Variants in NPIPB2 observed in about 807,000 individuals in gnomAD.
NPIPB2 encodes the protein nuclear pore complex interacting protein family member B2, also known as nuclear pore complex-interacting protein family member B2.
In NPIPB2, 27 loss-of-function variants were observed where a neutral mutation model predicts 30.8. The observed-to-expected ratio is 0.88, with a 90% CI of 0.65 to 1.21. The LOEUF (loss-of-function observed/expected upper bound fraction) is 1.21, where lower values mean the gene tolerates loss of function less well. Ranked by LOEUF, NPIPB2 falls within the 50% of genes most tolerant of loss-of-function variation. The pLI, the probability that NPIPB2 is intolerant of heterozygous loss-of-function variation, is 0.00. For missense variants in NPIPB2, 440 were observed against 446.2 expected (o/e 0.99, Z 0.13); for synonymous variants, 147 against 162.0 (o/e 0.91, Z 0.70).
At chr16:11,957,049 T>C (rs1288587430) in intron 1 of NPIPB2, among the ~76,000 whole-genome samples, 2 of 152,134 alleles carry the variant, frequency 1.3e-5, no homozygotes, top group Non-Finnish European at 2.9e-5. Context: ...TGGAGTGCAT[T>C]GGTGCGATCT....
chr16:11,944,170 ATT>A (rs767446739), upstream of NPIPB2, among the ~76,000 whole-genome samples: 17 of 137,698 alleles, frequency 1.2e-4, no homozygotes, highest in Non-Finnish European at 1.3e-4. Context: ...GATAAACTGG[ATT>A]TTTTTTTTTT....
At chr16:11,955,952 T>C (rs1343624204) in intron 1 of NPIPB2, among the ~76,000 whole-genome samples, 1 of 151,842 alleles carries the variant, frequency 6.6e-6, no homozygotes, top group Non-Finnish European at 1.5e-5. Context: ...GCCCCAGGCC[T>C]CCTCTGGTCC....
At chr16:11,951,272 C>T (rs1194892569) in intron 1 of NPIPB2, among the ~76,000 whole-genome samples, 13 of 149,680 alleles carry the variant, frequency 8.7e-5, no homozygotes, top group Non-Finnish European at 1.5e-4. Context: ...CTGGCTAACA[C>T]GGTGAAACCC....
intron 1 of NPIPB2, among the ~76,000 whole-genome samples, chr16:11,959,735 C>T (rs930236395): frequency 4.6e-5 from 7 of 152,148 alleles, no homozygotes; most frequent in African/African-American, 1.4e-4. Context: ...AAAAAGTCTC[C>T]GTTTATGTCT....
In NPIPB2 at chr16:11,937,504, T is replaced by C. The variant is rs553088820; in HGVS notation, c.192+36A>G. The C allele has an allele frequency of 7.9e-5, 92 of 1,165,234 alleles. 1 individual carries two copies. The East Asian group carries it at 1.9e-3, about 24-fold the overall frequency. The allele number at this position is 1,165,234 out of a possible 1,614,324, so 72.2% of individuals were successfully genotyped here. A position where few individuals can be genotyped will look rare whatever the true frequency, so the allele number is the denominator to read the frequency against. ...TATATAATTTATTCTTATTTGTGAT[T>C]ACAAGTATACCTCTACAGAAAGTTA... On this transcript the variant is annotated intron_variant, in intron 2 of 7. Coordinates refer to ENST00000399147, the Ensembl canonical transcript of NPIPB2.
intron 1 of NPIPB2, among the ~76,000 whole-genome samples, chr16:11,960,379 G>C (rs933690277): frequency 7.7e-6 from 1 of 130,504 alleles, no homozygotes; most frequent in East Asian, 2.4e-4. Context: ...TTTTGAGACA[G>C]AGTCTCCCTC....
At chr16:11,951,619 T>TACCCATACACACACACAC (rs1555509396) in intron 1 of NPIPB2, among the ~76,000 whole-genome samples, 9 of 115,914 alleles carry the variant, frequency 7.8e-5, no homozygotes, top group African/African-American at 9.6e-5. Context: ...ACACTGCACA[T>TACCCATACACACACACAC]ACACATACAC....
At chr16:11,946,622 C>G (rs1211248172), upstream of NPIPB2, among the ~76,000 whole-genome samples, 5 of 151,894 alleles carry the variant, frequency 3.3e-5, no homozygotes, top group African/African-American at 1.2e-4. Flanking sequence ...ACTAGGATGA[C>G]TAATACTCAA....
At chr16:11,946,184 A>AGGCC (rs1822994831), upstream of NPIPB2, among the ~76,000 whole-genome samples, 1 of 151,868 alleles carries the variant, frequency 6.6e-6, no homozygotes, top group Admixed American at 6.6e-5. Flanking sequence ...TCAGGAGTTC[A>AGGCC]AGACCAGCCT....
intron 1 of NPIPB2, among the ~76,000 whole-genome samples, chr16:11,961,506 G>A (rs973072685): frequency 2.0e-5 from 3 of 152,144 alleles, no homozygotes; most frequent in Non-Finnish European, 2.9e-5. Context: ...GAGGCCAGGC[G>A]CAGTGGCTCA....
chr16:11,970,363 C>T lies in NPIPB2; in HGVS notation c.-584+6205G>A, dbSNP rs138003978. ...GAGTAGCTGGGACTACAGTCGCATG[C>T]CACCATGCTCAGCTAGTTTTGGTAT... is the stretch of plus-strand genomic sequence containing the variant. On this transcript the variant is annotated intron_variant, in intron 1 of 5. Coordinates refer to the NPIPB2 transcript ENST00000538896. 7.2e-5 allele frequency among the ~76,000 whole-genome samples: 11 copies of T among 152,164 alleles called. No individual in the cohort carries two copies. The East Asian group carries it at 2.1e-3, about 30-fold the overall frequency.
At chr16:11,971,942 T>G (rs1287958423) in intron 1 of NPIPB2, among the ~76,000 whole-genome samples, 1 of 151,448 alleles carries the variant, frequency 6.6e-6, no homozygotes, top group African/African-American at 2.4e-5. Context: ...GTCAGGAGTT[T>G]GAGACCAGCA....
chr16:11,938,206 A>T (rs1019914485), intron 1 of NPIPB2, among the ~76,000 whole-genome samples: 1 of 152,150 alleles, frequency 6.6e-6, no homozygotes, highest in African/African-American at 2.4e-5. Context: ...TTTAGTAGAG[A>T]TGAGGTTTCA....
chr16:11,948,041 G>C (rs942404908), intron 1 of NPIPB2, among the ~76,000 whole-genome samples: 1 of 149,728 alleles, frequency 6.7e-6, no homozygotes. Context: ...TCTCCAGCCC[G>C]TTATCCACAT....
intron 2 of NPIPB2, among the ~76,000 whole-genome samples, chr16:11,936,855 A>C (rs1321716395): frequency 1.4e-5 from 2 of 148,102 alleles, no homozygotes; most frequent in South Asian, 2.4e-4. Context: ...TCTCTGCATC[A>C]TGAGACGCAG....
At chr16:11,950,558 G>A (rs747704507) in intron 1 of NPIPB2, among the ~76,000 whole-genome samples, 15 of 152,146 alleles carry the variant, frequency 9.9e-5, no homozygotes, top group Non-Finnish European at 1.9e-4. Context: ...ATAAGGACGA[G>A]AGAGAGTTTA....
exon 2 of NPIPB2, chr16:11,937,580 C>A: frequency 6.3e-7 from 1 of 1,599,502 alleles, no homozygotes. Flanking sequence ...AACTTTATAA[C>A]TTCTCGGAAA....
chr16:11,946,829 C>T (rs1212345599), upstream of NPIPB2, among the ~76,000 whole-genome samples: 1 of 151,940 alleles, frequency 6.6e-6, no homozygotes, highest in South Asian at 2.1e-4. Context: ...CACAAAGTAA[C>T]ATAAACTCGC....
At chr16:11,970,854 T>C (rs55732651) in intron 1 of NPIPB2, among the ~76,000 whole-genome samples, 47,913 of 131,418 alleles carry the variant, frequency 0.36, 8,250 homozygotes, top group East Asian at 0.68. Context: ...ATTTTCTTAC[T>C]CGTTTCTTTT....
Sources: gnomAD v4.1 joint callset for allele counts (sites outside exome capture counted in the v4.1 genomes callset) on GRCh38, gnomAD v4.1.1 for gene constraint, MANE v1.5 for transcripts, NCBI Gene and HGNC (gene_info 2026-07-23, HGNC 2026-07-21) for gene names.